DAPK1: variants seen among roughly 807,000 people sequenced by gnomAD.
DAPK1 encodes the protein death-associated protein kinase 1.
DAPK1 carries 56 observed loss-of-function variants against 144.9 expected under a neutral mutation model. That is an observed-to-expected ratio of 0.39 (90% CI 0.31 to 0.48). The LOEUF is 0.48. Among genes scored for constraint, DAPK1 ranks in the 20% least tolerant of loss-of-function variants. The pLI is 0.95. For synonymous variants in DAPK1, 690 were observed against 749.0 expected (o/e 0.92, Z 1.29); for missense variants, 1,454 against 1,875.4 (o/e 0.78, Z 4.15).
rs1224820102 is a variant in DAPK1 at position 87,651,645 on chromosome 9, A to G, written c.1745A>G (p.His582Arg). The G allele has an allele frequency of 3.1e-6, 5 of 1,614,214 alleles. No individual in the cohort carries two copies. Among genetic ancestry groups the G allele is most frequent in the Non-Finnish European group, 2.5e-6 (3 of 1,180,022 alleles). The change falls in exon 17 of 26, where the codon CAT becomes CGT. Residue 582 changes from histidine to arginine, a missense_variant. Coordinates refer to ENST00000408954, the MANE Select transcript of DAPK1 (RefSeq NM_004938.4). ...GACAGGCACGGCAATACTCCCCTCC[A>G]TGTGGCATGTAAAGATGGCAACATG... ...YQDRHGNTPL[H>R]VACKDGNMPI...
At position 87,623,882 on chromosome 9, in the gene DAPK1, G is replaced by T. The variant is rs2119055193; in HGVS notation, c.285-14061G>T. 3.3e-5 allele frequency among the ~76,000 whole-genome samples: 5 copies of T among 152,232 alleles called. 1 individual carries two copies. In the Middle Eastern group the frequency reaches 0.014, roughly 414 times the overall value. ...CCCCTCAGATAGGAGGTAACACTTT[G>T]TTCCTGGACTGGGAGGGGAACTCAA... On this transcript the variant is annotated intron_variant, in intron 3 of 25. Coordinates refer to ENST00000408954, the MANE Select transcript of DAPK1 (RefSeq NM_004938.4).
At chr9:87,671,563 T>C (rs879235553) in intron 19 of DAPK1, among the ~76,000 whole-genome samples, 2 of 151,950 alleles carry the variant, frequency 1.3e-5, no homozygotes, top group Non-Finnish European at 1.5e-5. Context: ...TGCAGTGGCA[T>C]AGTCAGGGCT....
At position 87,626,337 on chromosome 9, in the gene DAPK1, C is replaced by T. The variant is rs562737580; in HGVS notation, c.285-11606C>T. Among the ~76,000 whole-genome samples, 42 of 152,262 alleles carry T rather than the reference C, an allele frequency of 2.8e-4. No homozygotes were observed. In the East Asian group the frequency reaches 6.7e-3, roughly 24 times the overall value. ...GGCTGAGGCAGGAGAATCACTTGAA[C>T]CCGGAAGGTGGAGGTTGCAGTGAGC... is the stretch of plus-strand genomic sequence containing the variant. On this transcript the variant is annotated intron_variant, in intron 3 of 25. Coordinates refer to ENST00000408954, the MANE Select transcript of DAPK1 (RefSeq NM_004938.4).
chr9:87,604,873 C>G, intron 2 of DAPK1, 81 bp from the exon 3 acceptor site: 1 of 1,264,168 alleles, frequency 7.9e-7, no homozygotes, highest in Non-Finnish European at 1.1e-6. Context: ...TTCTCTTGTC[C>G]CCCTCTGCAC....
At chr9:87,632,740 ATATG>A in intron 3 of DAPK1, 2 of 980,446 alleles carry the variant, frequency 2.0e-6, no homozygotes, top group Non-Finnish European at 2.4e-6. Flanking sequence ...GGGTGAGTAT[ATATG>A]TAGGGAAGAA....
In DAPK1 at chr9:87,681,552, G is replaced by A; in HGVS notation, c.2150G>A (p.Arg717Lys). 6.2e-7 allele frequency: 1 copy of A among 1,613,176 alleles called. No homozygotes were observed. Among genetic ancestry groups the A allele is most frequent in the South Asian group, 1.1e-5 (1 of 91,060 alleles). ...LKCGLLRSFF[R>K]RRRPRLSSTN... is the part of the protein sequence containing the mutation. The stretch of plus-strand genomic sequence containing the variant: ...TGTGGGCTGCTGAGGAGCTTTTTCA[G>A]AAGGCGTCGGCCCAGACTGTCTTCC... Residue 717 changes from arginine (R) to lysine (K), a missense_variant, in exon 20 of 26, where the codon AGA becomes AAA. This residue lies in a region of DAPK1 where 1,025 missense variants were observed against 1,237.9 expected (regional missense o/e 0.83). Transcript: ENST00000408954.
At chr9:87,521,595 T>A (rs923359749) in intron 2 of DAPK1, among the ~76,000 whole-genome samples, 4 of 152,208 alleles carry the variant, frequency 2.6e-5, no homozygotes, top group Non-Finnish European at 5.9e-5. Flanking sequence ...CGCTAGGATG[T>A]CAGCACTGGG....
chr9:87,498,693 C>T, intron 1 of DAPK1: 1 of 402,040 alleles, frequency 2.5e-6, no homozygotes, highest in Non-Finnish European at 4.4e-6. Context: ...AGGCCAGTCA[C>T]TTCCGGAGCC....
chr9:87,691,793 A>G (rs745626993), intron 21 of DAPK1, among the ~76,000 whole-genome samples: 4 of 152,030 alleles, frequency 2.6e-5, no homozygotes, highest in African/African-American at 7.2e-5. Context: ...ACAGTTTCCA[A>G]AGTTCCTCTT....
At chr9:87,683,085 ATTT>A (rs1554704267) in intron 20 of DAPK1, among the ~76,000 whole-genome samples, 2 of 112,550 alleles carry the variant, frequency 1.8e-5, no homozygotes, top group Non-Finnish European at 2.0e-5. Context: ...TATTTTATTT[ATTT>A]TTTTTTTTTT....
chr9:87,556,957 G>T (rs1449889826), intron 2 of DAPK1, among the ~76,000 whole-genome samples: 2 of 152,208 alleles, frequency 1.3e-5, no homozygotes. Context: ...TCTCTGAGAT[G>T]TGTTATCAGG....
intron 19 of DAPK1, among the ~76,000 whole-genome samples, chr9:87,679,928 C>A (rs1308808225): frequency 6.6e-6 from 1 of 152,164 alleles, no homozygotes; most frequent in African/African-American, 2.4e-5. Flanking sequence ...GATGCTCTTG[C>A]TGGTCAGACA....
intron 2 of DAPK1, among the ~76,000 whole-genome samples, chr9:87,602,551 C>A (rs1402046959): frequency 6.6e-6 from 1 of 152,170 alleles, no homozygotes; most frequent in Non-Finnish European, 1.5e-5. Flanking sequence ...GAGGTGAAAA[C>A]GCACGTGGAA....
intron 3 of DAPK1, among the ~76,000 whole-genome samples, chr9:87,618,873 A>T (rs553644117): frequency 6.6e-6 from 1 of 152,330 alleles, no homozygotes; most frequent in South Asian, 2.1e-4. Flanking sequence ...AAACCCAGTG[A>T]GTGGTACACT....
intron 2 of DAPK1, among the ~76,000 whole-genome samples, chr9:87,537,600 C>T (rs977302960): frequency 1.8e-5 from 2 of 113,840 alleles, no homozygotes; most frequent in Admixed American, 9.8e-5. Flanking sequence ...GTAGTGTGTG[C>T]GGCATACATG....
intron 2 of DAPK1, among the ~76,000 whole-genome samples, chr9:87,601,087 G>A (rs141627258): frequency 1.0e-3 from 152 of 152,332 alleles, no homozygotes; most frequent in Non-Finnish European, 2.0e-3. Flanking sequence ...AAGGAGTCCC[G>A]ATCCAGGGTG....
intron 2 of DAPK1, among the ~76,000 whole-genome samples, chr9:87,512,370 C>T (rs1281597764): frequency 6.6e-6 from 1 of 152,104 alleles, no homozygotes; most frequent in Non-Finnish European, 1.5e-5. Flanking sequence ...AAGCCTTGTG[C>T]AGCATGTCAG....
intron 24 of DAPK1, 87 bp downstream of exon 24, chr9:87,700,324 C>A: frequency 9.9e-7 from 1 of 1,006,030 alleles, no homozygotes; most frequent in South Asian, 1.3e-5. Flanking sequence ...CATAGTAGGA[C>A]CCAGTAAGAG....
In DAPK1 at chr9:87,640,356, T is replaced by G; in HGVS notation, c.688T>G (p.Ser230Ala). The change falls in exon 8 of 26, where the codon TCC becomes GCC. Residue 230 changes from serine to alanine, a missense_variant. By Grantham distance (99) the Ser-to-Ala change is moderately conservative. Around this residue, in one of 2 missense-constraint regions of DAPK1, gnomAD observed 429 missense variants for 637.5 expected, o/e 0.67. Coordinates refer to ENST00000408954, the MANE Select transcript of DAPK1 (RefSeq NM_004938.4). ...DTKQETLANVSAVNYEFEDEY... is the reference protein window; with the variant it reads ...DTKQETLANVAAVNYEFEDEY... ...TAAGCAAGAAACGTTAGCAAATGTA[T>G]CCGCTGTCAACTACGAATTTGAGGA... 3 of 1,614,246 alleles carry G rather than the reference T, an allele frequency of 1.9e-6. No individual in the cohort carries two copies. Among genetic ancestry groups the G allele is most frequent in the Non-Finnish European group, 2.5e-6 (3 of 1,180,030 alleles).
Sources: allele counts gnomAD v4.1 joint callset (sites outside exome capture counted in the v4.1 genomes callset), GRCh38; gene constraint gnomAD v4.1.1; regional missense constraint gnomAD v4.1.1; transcripts MANE v1.5; gene names NCBI Gene and HGNC (gene_info 2026-07-23, HGNC 2026-07-21).